The following ABCD4 variants were observed in gnomAD, a reference collection of about 807,000 sequenced individuals.
ABCD4 encodes lysosomal cobalamin transporter ABCD4.
A neutral mutation model predicts 86.3 loss-of-function variants in ABCD4; 53 were observed. The observed-to-expected ratio is 0.61, with a 90% CI of 0.49 to 0.77. ABCD4 has a LOEUF of 0.77. Among genes scored for constraint, ABCD4 ranks in the 30% least tolerant of loss-of-function variants. The pLI is 0.00. For synonymous variants in ABCD4, 328 were observed against 313.6 expected (o/e 1.05, Z -0.49); for missense variants, 757 against 764.5 (o/e 0.99, Z 0.12).
chr14:74,287,969 G>T (rs1321690747), intron 16 of ABCD4, 83 bp from the exon 17 acceptor site: 13 of 1,342,412 alleles, frequency 9.7e-6, no homozygotes, highest in Non-Finnish European at 1.1e-5. Flanking sequence ...GTAGGAAGAG[G>T]TTTCTCTGCA....
At chr14:74,298,941 C>T (rs1595056956) in intron 3 of ABCD4, 1 of 153,844 alleles carries the variant, frequency 6.5e-6, no homozygotes, top group Admixed American at 6.4e-5. Flanking sequence ...AAAACAATTA[C>T]AAGCGTGTGA....
At chr14:74,289,164 A>G (rs2080753968) in intron 14 of ABCD4, 3 of 1,147,652 alleles carry the variant, frequency 2.6e-6, no homozygotes, top group Non-Finnish European at 3.3e-6. Flanking sequence ...ATCATGGATG[A>G]TGCAGGGGTG....
chr14:74,301,585 A>G (rs1294289603), intron 1 of ABCD4, among the ~76,000 whole-genome samples: 1 of 152,214 alleles, frequency 6.6e-6, no homozygotes, highest in East Asian at 1.9e-4. Context: ...TAAACACATG[A>G]AAATGTAGGC....
At chr14:74,295,713 C>T in intron 6 of ABCD4, 141 bp downstream of exon 6, 1 of 1,094,560 alleles carries the variant, frequency 9.1e-7, no homozygotes. Context: ...AACATTGAAG[C>T]TTGGAGAGGT....
In ABCD4 at chr14:74,290,382, G is replaced by A. The variant is rs201164224; in HGVS notation, c.1236C>T (p.Ser412=). The change falls in exon 12 of 19, where the codon TCC becomes TCT. Residue 412 remains serine, a synonymous_variant. Coordinates refer to ENST00000356924, the MANE Select transcript of ABCD4 (RefSeq NM_005050.4). ...PLIKDLSLKI[S]EGQSLLITGN... ...CTGTGATGAGCAGGCTCTGTCCCTCGGAGATCTTTAGGCTCAGATCCTTGA... is the reference window on the plus strand; with the variant it reads ...CTGTGATGAGCAGGCTCTGTCCCTCAGAGATCTTTAGGCTCAGATCCTTGA... The A allele has an allele frequency of 8.1e-6, 13 of 1,613,994 alleles. No individual in the cohort carries two copies. The highest frequency in any genetic ancestry group is 1.1e-5 in the South Asian group (1 of 91,086).
Position 74,302,922 on chromosome 14 carries a change from C to T in ABCD4, c.-10G>A, listed in dbSNP as rs768599269. 5.4e-5 allele frequency: 87 copies of T among 1,607,316 alleles called. No homozygotes were observed. The African/African-American group carries it at 1.1e-3, about 21-fold the overall frequency. On this transcript the variant is annotated 5_prime_UTR_variant, in exon 1 of 19. Coordinates refer to ENST00000356924, the MANE Select transcript of ABCD4 (RefSeq NM_005050.4). ...GCCCCGCGACCGCCATGACCTGAGA[C>T]CCGAGGGACTCTGGAGCCCAGCTGC...
At chr14:74,292,696 G>A in intron 9 of ABCD4, 52 bp downstream of exon 9, 1 of 1,613,952 alleles carries the variant, frequency 6.2e-7, no homozygotes, top group Non-Finnish European at 8.5e-7. Flanking sequence ...CACAGACACT[G>A]GGCCAAGGAC....
intron 16 of ABCD4, 118 bp downstream of exon 16, chr14:74,288,089 T>C: frequency 1.6e-6 from 2 of 1,254,776 alleles, no homozygotes; most frequent in East Asian, 2.5e-5. Flanking sequence ...TGCACCCGAC[T>C]GACCAGCCAA....
intron 4 of ABCD4, 58 bp downstream of exon 4, chr14:74,297,870 GGC>G: frequency 1.3e-6 from 2 of 1,549,960 alleles, no homozygotes; most frequent in Non-Finnish European, 1.7e-6. Context: ...CAGTCTCCAG[GGC>G]TAGGCCAGAA....
At chr14:74,300,914 G>A (rs942121032) in intron 1 of ABCD4, among the ~76,000 whole-genome samples, 2 of 151,710 alleles carry the variant, frequency 1.3e-5, no homozygotes, top group Non-Finnish European at 2.9e-5. Flanking sequence ...ATGCAACGGC[G>A]CAATCTCGGA....
intron 15 of ABCD4, 73 bp from the exon 16 acceptor site, chr14:74,288,332 C>A: frequency 6.9e-7 from 1 of 1,443,796 alleles, no homozygotes; most frequent in Non-Finnish European, 9.5e-7. Flanking sequence ...GGGAACCTCC[C>A]TCACTCCCCA....
At chr14:74,301,728 C>T (rs1207378499) in intron 1 of ABCD4, among the ~76,000 whole-genome samples, 2 of 151,422 alleles carry the variant, frequency 1.3e-5, no homozygotes, top group Non-Finnish European at 2.9e-5. Context: ...CCAACCCCCC[C>T]ATCTTTGCTA....
rs2081193751 is a variant in ABCD4 at position 74,290,491 on chromosome 14, C to T, written c.1127G>A (p.Gly376Glu). The change falls in exon 12 of 19, where the codon GGG becomes GAG. Residue 376 changes from glycine (G) to glutamate (E), a missense_variant. By Grantham distance (98) the Gly-to-Glu change is moderately conservative. Transcript: ENST00000356924. The stretch of plus-strand genomic sequence containing the variant: ...GTCTGCTGGCTCTGCCGCTGGCCAC[C>T]CTGGGGGTCTGTGTCAGAGAAGAGA... ...ESEWGLDTPPGWPAAEPADTA... is the reference protein window; with the variant it reads ...ESEWGLDTPPEWPAAEPADTA... The T allele has an allele frequency of 6.2e-7, 1 of 1,613,000 alleles. No homozygotes were observed. The highest frequency in any genetic ancestry group is 8.5e-7 in the Non-Finnish European group (1 of 1,179,996).
chr14:74,295,982 GA>G lies in ABCD4; in HGVS notation c.543-4del. 1.3e-6 allele frequency: 2 copies of G among 1,599,432 alleles called. No individual in the cohort carries two copies. Among genetic ancestry groups the G allele is most frequent in the South Asian group, 2.2e-5 (2 of 89,080 alleles). ...TCACAGGCCCGAGCCAGCCTGTGCT[GA>G]AATAGAGAGAGAGGGAGAGAAGGGA... is the stretch of plus-strand genomic sequence containing the variant. On this transcript the variant is annotated splice_region_variant and splice_polypyrimidine_tract_variant and intron_variant, in intron 5 of 18. Transcript: ENST00000356924.
At position 74,285,387 on chromosome 14, in the gene ABCD4, AG is replaced by A. The variant is rs1446386721; in HGVS notation, c.*1073del. 6.6e-6 allele frequency: 1 copy of A among 152,216 alleles called. No homozygotes were observed. The highest frequency in any genetic ancestry group is 1.5e-5 in the Non-Finnish European group (1 of 68,046). The allele number at this position is 152,216 out of a possible 1,614,324, so 9.4% of individuals were successfully genotyped here. On this transcript the variant is annotated 3_prime_UTR_variant, in exon 19 of 19. Transcript: ENST00000356924. ...CAAGCCTCAGGCCCAGAGTCTATGC[AG>A]GCAACAGCATCTAGCCGTAAGTTAA...
In ABCD4 at chr14:74,292,877, A is replaced by G. The variant is rs1282485131; in HGVS notation, c.815-8T>C. On this transcript the variant is annotated splice_polypyrimidine_tract_variant and splice_region_variant and intron_variant, in intron 8 of 18. Coordinates refer to ENST00000356924, the MANE Select transcript of ABCD4 (RefSeq NM_005050.4). ...CAAAGGTGTTGATGCCGACTGTAGA[A>G]AACACATCTGTGAGACACCCAGGAA... The G allele has an allele frequency of 6.2e-7, 1 of 1,614,154 alleles. No homozygotes were observed. Among genetic ancestry groups the G allele is most frequent in the Admixed American group, 1.7e-5 (1 of 60,020 alleles).
rs2083309607 is a variant in ABCD4 at position 74,297,983 on chromosome 14, G to C, written c.372C>G (p.Phe124Leu). 3 of 1,614,116 alleles carry C rather than the reference G, an allele frequency of 1.9e-6. No individual in the cohort carries two copies. Among genetic ancestry groups the C allele is most frequent in the South Asian group, 1.1e-5 (1 of 91,070 alleles). The change falls in exon 4 of 19, where the codon TTC (phenylalanine) becomes TTG (leucine). Residue 124 changes from phenylalanine to leucine, a missense_variant. Phe to Leu is a conservative substitution (Grantham distance 22). Transcript: ENST00000356924. ...TGAGGGTGTAGTACGCACGGCCCCGGAAGTAGAGGCGGTGAAGGTGCTCAG... is the reference window on the plus strand; with the variant it reads ...TGAGGGTGTAGTACGCACGGCCCCGCAAGTAGAGGCGGTGAAGGTGCTCAG... ...DLTEHLHRLY[F>L]RGRAYYTLNV...
At position 74,287,840 on chromosome 14, in the gene ABCD4, G is replaced by A. The variant is rs769298254; in HGVS notation, c.1606C>T (p.Arg536Ter). The A allele has an allele frequency of 9.9e-6, 16 of 1,612,950 alleles. No individual in the cohort carries two copies. Among genetic ancestry groups the A allele is most frequent in the Admixed American group, 3.3e-5 (2 of 59,902 alleles). ...PGEMQRLSFA[R>*]LFYLQPKYAV... ...TACTTCGGCTGCAGGTAGAAGAGTC[G>A]GGCAAAGGAGAGCCGTTGCATCTCC... Residue 536 changes from arginine (R) to a stop codon, truncating the protein, a stop_gained, in exon 17 of 19, where the codon CGA becomes TGA. Transcript: ENST00000356924. LOFTEE classifies it high-confidence loss of function.
chr14:74,298,631 T>G (rs992967922), intron 3 of ABCD4, among the ~76,000 whole-genome samples: 8 of 152,184 alleles, frequency 5.3e-5, no homozygotes, highest in African/African-American at 1.9e-4. Flanking sequence ...ACTGTCTTAT[T>G]TTGAGAGTAG....
Sources: allele counts gnomAD v4.1 joint callset (sites outside exome capture counted in the v4.1 genomes callset), GRCh38; gene constraint gnomAD v4.1.1; transcripts MANE v1.5; gene names NCBI Gene and HGNC (gene_info 2026-07-23, HGNC 2026-07-21).